RBL2: variants seen among roughly 807,000 people sequenced by gnomAD.
RBL2 encodes retinoblastoma-like protein 2.
In RBL2, 56 loss-of-function variants were observed where a neutral mutation model predicts 126.0. The ratio of observed to expected loss-of-function variants is 0.44; its 90% CI spans 0.36 to 0.56. The LOEUF (loss-of-function observed/expected upper bound fraction) is 0.56, where lower values mean the gene tolerates loss of function less well. Ranked by LOEUF, RBL2 falls within the 20% of genes least tolerant of loss-of-function variation. The pLI, the probability that RBL2 is intolerant of heterozygous loss-of-function variation, is 0.00. For synonymous variants in RBL2, 454 were observed against 478.5 expected, an observed-to-expected ratio of 0.95 and a Z score of 0.67; for missense variants, 1,229 against 1,398.2, an observed-to-expected ratio of 0.88 and a Z score of 1.93.
At chr16:53,456,198 A>G (rs1242070506) in intron 8 of RBL2, among the ~76,000 whole-genome samples, 3 of 151,978 alleles carry the variant, frequency 2.0e-5, no homozygotes, top group Non-Finnish European at 4.4e-5. Flanking sequence ...AAAGAAGAAG[A>G]AAAAGAAATG....
intron 5 of RBL2, 142 bp from the exon 6 acceptor site, chr16:53,453,310 G>A (rs2153141318): frequency 1.6e-6 from 1 of 619,588 alleles, no homozygotes. Context: ...TCTTAGCGTT[G>A]AAATAGGCCC....
At chr16:53,471,022 C>A in intron 17 of RBL2, 100 bp downstream of exon 17, 2 of 1,271,518 alleles carry the variant, frequency 1.6e-6, no homozygotes, top group Non-Finnish European at 2.2e-6. Flanking sequence ...CTCTATAATT[C>A]ACCTATTTAA....
intron 21 of RBL2, among the ~76,000 whole-genome samples, chr16:53,483,310 C>T (rs1328910169): frequency 6.6e-6 from 1 of 152,074 alleles, no homozygotes; most frequent in Non-Finnish European, 1.5e-5. Context: ...CCTGTAATCC[C>T]AACATTTTGG....
At position 53,478,170 on chromosome 16, in the gene RBL2, C is replaced by T. The variant is rs149457058; in HGVS notation, c.2704-984C>T. 5.2e-3 allele frequency among the ~76,000 whole-genome samples: 793 copies of T among 152,208 alleles called. 8 individuals are homozygous for T. The highest frequency in any genetic ancestry group is 0.018 in the African/African-American group (768 of 41,528). ...TGAATGTTATCCCACTGCCTCCTGG[C>T]CTCTGTAGTTTCTGATTAGAAGTCA... On this transcript the variant is annotated intron_variant, in intron 17 of 21. Coordinates refer to ENST00000262133, the MANE Select transcript of RBL2 (RefSeq NM_005611.4).
chr16:53,437,466 CA>C (rs2057969600), intron 1 of RBL2, among the ~76,000 whole-genome samples: 1 of 152,142 alleles, frequency 6.6e-6, no homozygotes, highest in Non-Finnish European at 1.5e-5. Flanking sequence ...GGACATCTTC[CA>C]TCCTTCCTCG....
chr16:53,445,310 G>C lies in RBL2; in HGVS notation c.573-1732G>C, dbSNP rs989703404. Reference sequence around the variant, plus strand: ...CCACTGTACTCCAGTTTGGGTGACAGAGCAAGACCTTGTCTCAAAAAAAAA... The same window carrying C: ...CCACTGTACTCCAGTTTGGGTGACACAGCAAGACCTTGTCTCAAAAAAAAA... On this transcript the variant is annotated intron_variant, in intron 3 of 21. Coordinates refer to ENST00000262133, the MANE Select transcript of RBL2 (RefSeq NM_005611.4). 2.1e-5 allele frequency among the ~76,000 whole-genome samples: 3 copies of C among 141,332 alleles called. No individual in the cohort carries two copies. In the East Asian group the frequency reaches 6.0e-4, roughly 28 times the overall value. 92.7% of individuals were successfully genotyped at this position (141,332 alleles called of 152,430 possible). A position where few individuals can be genotyped will look rare whatever the true frequency, so the allele number is the denominator to read the frequency against.
intron 18 of RBL2, 161 bp downstream of exon 18, chr16:53,479,386 GTTGA>G (rs1960856440): frequency 1.7e-6 from 1 of 599,168 alleles, no homozygotes; most frequent in Non-Finnish European, 2.9e-6. Context: ...GATGTCACAT[GTTGA>G]TTAAGGTCTC....
Position 53,479,985 on chromosome 16 carries a change from G to A in RBL2, c.2875G>A (p.Asp959Asn). ...HQNSPTELNK[D>N]RTSRDSSPVM... ...GAATTCTCCAACAGAACTAAACAAA[G>A]ATAGAAGTAAGTGGGATCTTTGTGA... Residue 959 changes from aspartate (D) to asparagine (N), a missense_variant, in exon 19 of 22, where the codon GAT becomes AAT. By Grantham distance (23) the Asp-to-Asn change is conservative. Around this residue, in one of 2 missense-constraint regions of RBL2, gnomAD observed 1,070 missense variants for 1,274.3 expected, o/e 0.84. Transcript: ENST00000262133. The A allele has an allele frequency of 6.3e-7, 1 of 1,591,324 alleles. No individual in the cohort carries two copies. Among genetic ancestry groups the A allele is most frequent in the Non-Finnish European group, 8.6e-7 (1 of 1,165,042 alleles).
rs1961357265 is a variant in RBL2, at chr16:53,490,125, C to G, written c.3250-5C>G. ...TAAAATTTTTGTATCTTTTTCCCAC[C>G]ATAGAGACTGAGAGAAATTAATAGT... On this transcript the variant is annotated splice_region_variant and splice_polypyrimidine_tract_variant and intron_variant, in intron 21 of 21. Transcript: ENST00000262133. 4 of 1,558,904 alleles carry G rather than the reference C, an allele frequency of 2.6e-6. No individual in the cohort carries two copies. In the African/African-American group the frequency reaches 4.1e-5, roughly 16 times the overall value.
rs1166638957 is a variant in RBL2 at position 53,479,168 on chromosome 16, T to C, written c.2718T>C (p.Asp906=). The C allele has an allele frequency of 1.2e-6, 2 of 1,613,782 alleles. No individual in the cohort carries two copies. The change falls in exon 18 of 22, where the codon GAT becomes GAC. Residue 906 remains aspartate (D), a synonymous_variant. Transcript: ENST00000262133. ...IYVMAKVTKE[D]KSFQNIMRCY... The stretch of plus-strand genomic sequence containing the variant: ...TTGTTTGCCAGGTCACAAAAGAAGA[T>C]AAGTCCTTCCAGAACATTATGCGTT...
intron 1 of RBL2, chr16:53,435,466 G>A: frequency 3.7e-6 from 2 of 541,316 alleles, no homozygotes; most frequent in Non-Finnish European, 4.7e-6. Context: ...CATTGCACAG[G>A]ACTCCTGTTG....
At chr16:53,448,303 C>T (rs1598094556) in intron 4 of RBL2, among the ~76,000 whole-genome samples, 1 of 151,322 alleles carries the variant, frequency 6.6e-6, no homozygotes, top group African/African-American at 2.4e-5. Context: ...ATTACAGGTG[C>T]CTGCCACTGT....
chr16:53,490,149 G>A lies in RBL2; in HGVS notation c.3269G>A (p.Ser1090Asn). The A allele has an allele frequency of 6.3e-7, 1 of 1,592,214 alleles. No individual in the cohort carries two copies. The highest frequency in any genetic ancestry group is 1.8e-5 in the Admixed American group (1 of 56,958). Residue 1090 changes from serine (S) to asparagine (N), a missense_variant, in exon 22 of 22, where the codon AGT (serine) becomes AAT (asparagine). Transcript: ENST00000262133. ...SPSKRLREIN[S>N]MIRTGETPTK... ...CCATAGAGACTGAGAGAAATTAATA[G>A]TATGATACGCACAGGAGAAACTCCT...
chr16:53,468,205 A>G (rs1484143073), intron 14 of RBL2, among the ~76,000 whole-genome samples: 1 of 152,208 alleles, frequency 6.6e-6, no homozygotes, highest in East Asian at 1.9e-4. Flanking sequence ...AATGTAATTG[A>G]TAAGAACTGG....
chr16:53,480,796 C>T (rs773133507), intron 20 of RBL2, 27 bp downstream of exon 20: 20 of 1,585,338 alleles, frequency 1.3e-5, no homozygotes, highest in Admixed American at 1.7e-5. Context: ...TTATTTCATA[C>T]TTTTTTCACT....
At chr16:53,490,021 G>A (rs1961349153) in intron 21 of RBL2, 109 bp from the exon 22 acceptor site, 1 of 848,598 alleles carries the variant, frequency 1.2e-6, no homozygotes, top group Non-Finnish European at 1.6e-6. Flanking sequence ...CTGTAGATGT[G>A]TTCAAACTCT....
intron 17 of RBL2, among the ~76,000 whole-genome samples, chr16:53,474,661 G>C (rs1277935317): frequency 6.6e-6 from 1 of 152,150 alleles, no homozygotes; most frequent in African/African-American, 2.4e-5. Flanking sequence ...CCAACAGTTT[G>C]TTGAGGAATT....
At chr16:53,442,970 C>G in intron 3 of RBL2, 112 bp downstream of exon 3, 1 of 870,454 alleles carries the variant, frequency 1.1e-6, no homozygotes, top group Non-Finnish European at 1.7e-6. Flanking sequence ...TTTAAAAAAT[C>G]TTTTTCCTCA....
chr16:53,456,133 G>A (rs892547053), intron 8 of RBL2, among the ~76,000 whole-genome samples: 12 of 151,942 alleles, frequency 7.9e-5, no homozygotes, highest in African/African-American at 4.8e-5. Flanking sequence ...CCGTGATCGC[G>A]TCACTGCCCT....
Sources: gnomAD v4.1 joint callset for allele counts (sites outside exome capture counted in the v4.1 genomes callset) on GRCh38, gnomAD v4.1.1 for gene constraint, gnomAD v4.1.1 regional missense constraint, MANE v1.5 for transcripts, NCBI Gene and HGNC (gene_info 2026-07-23, HGNC 2026-07-21) for gene names.